Variants in CTNNA2 observed in about 807,000 individuals in gnomAD.
CTNNA2 encodes the protein catenin alpha-2.
CTNNA2 carries 42 observed loss-of-function variants against 101.0 expected under a neutral mutation model. The ratio of observed to expected loss-of-function variants is 0.42; its 90% CI spans 0.32 to 0.54. CTNNA2 has a LOEUF of 0.54. Ranked by LOEUF, CTNNA2 falls within the 20% of genes least tolerant of loss-of-function variation. The pLI is 0.14. For missense variants in CTNNA2, 871 were observed against 1,223.1 expected, an observed-to-expected ratio of 0.71 and a Z score of 4.29; for synonymous variants, 450 against 456.4, an observed-to-expected ratio of 0.99 and a Z score of 0.18.
intron 4 of CTNNA2, among the ~76,000 whole-genome samples, chr2:79,378,437 T>G (rs538360702): frequency 5.3e-5 from 8 of 152,258 alleles, no homozygotes; most frequent in African/African-American, 1.9e-4. Context: ...AATAGGGATA[T>G]ATAGTTAAAA....
At chr2:80,384,992 A>G (rs1676866116) in intron 7 of CTNNA2, among the ~76,000 whole-genome samples, 1 of 152,174 alleles carries the variant, frequency 6.6e-6, no homozygotes, top group African/African-American at 2.4e-5. Flanking sequence ...ATAGAAACTT[A>G]TGGCTTTAAG....
chr2:79,192,212 G>C (rs918864399), intron 1 of CTNNA2, among the ~76,000 whole-genome samples: 8 of 152,112 alleles, frequency 5.3e-5, no homozygotes, highest in African/African-American at 1.9e-4. Flanking sequence ...TTGTTGCTAA[G>C]GTTTCTCTGG....
intron 2 of CTNNA2, among the ~76,000 whole-genome samples, chr2:79,253,894 G>A (rs1395092487): frequency 2.6e-5 from 4 of 152,194 alleles, no homozygotes; most frequent in Non-Finnish European, 4.4e-5. Context: ...TGGCTTGGCT[G>A]TCCTGTAAGA....
chr2:80,582,958 A>G (rs1369638768), intron 14 of CTNNA2, among the ~76,000 whole-genome samples: 1 of 152,130 alleles, frequency 6.6e-6, no homozygotes, highest in East Asian at 1.9e-4. Flanking sequence ...ATGCCCTGAT[A>G]TTCTCACTCA....
rs1436723235 is a variant in CTNNA2 at position 79,593,886 on chromosome 2, T to G, written c.-5-57666T>G. ...CAGTGCTGCCTTTCTTTTAGTTTTTTTTTTTTTTTTTTTTTTTTTGAGATG... is the reference window on the plus strand; with the variant it reads ...CAGTGCTGCCTTTCTTTTAGTTTTTGTTTTTTTTTTTTTTTTTTTGAGATG... On this transcript the variant is annotated intron_variant, in intron 1 of 18. Coordinates refer to ENST00000402739, the MANE Select transcript of CTNNA2 (RefSeq NM_001282597.3). Among the ~76,000 whole-genome samples the G allele has an allele frequency of 3.6e-3, 438 of 120,902 alleles. 1 individual carries two copies. Among genetic ancestry groups the G allele is most frequent in the African/African-American group, 0.013 (412 of 32,210 alleles). The allele number at this position is 120,902 out of a possible 152,430, so 79.3% of individuals were successfully genotyped here. A position where few individuals can be genotyped will look rare whatever the true frequency, so the allele number is the denominator to read the frequency against.
At chr2:79,531,195 CA>C (rs1672716388) in intron 1 of CTNNA2, among the ~76,000 whole-genome samples, 1 of 110,280 alleles carries the variant, frequency 9.1e-6, no homozygotes, top group African/African-American at 3.2e-5. Context: ...TAGATACGCT[CA>C]TATATATATA....
chr2:80,163,864 T>G (rs938943826), intron 7 of CTNNA2, among the ~76,000 whole-genome samples: 2 of 152,032 alleles, frequency 1.3e-5, no homozygotes, highest in African/African-American at 2.4e-5. Flanking sequence ...CCTGTCTCTC[T>G]TTGACTCTGA....
intron 7 of CTNNA2, among the ~76,000 whole-genome samples, chr2:80,233,019 A>G (rs1158942654): frequency 1.3e-5 from 2 of 152,152 alleles, no homozygotes; most frequent in Non-Finnish European, 2.9e-5. Context: ...TATTCCTAAA[A>G]TATTCTGTGA....
chr2:80,174,113 A>G (rs1032012394), intron 7 of CTNNA2, among the ~76,000 whole-genome samples: 1 of 152,198 alleles, frequency 6.6e-6, no homozygotes, highest in Admixed American at 6.5e-5. Context: ...CTCAATGCTA[A>G]TATCAAATAT....
intron 4 of CTNNA2, among the ~76,000 whole-genome samples, chr2:79,487,700 C>T (rs1671170888): frequency 6.6e-6 from 1 of 152,136 alleles, no homozygotes; most frequent in Non-Finnish European, 1.5e-5. Flanking sequence ...GAGCAGATGA[C>T]TCCAGCTCCT....
intron 7 of CTNNA2, among the ~76,000 whole-genome samples, chr2:80,136,683 G>A (rs999709045): frequency 2.6e-5 from 4 of 151,896 alleles, no homozygotes; most frequent in Non-Finnish European, 5.9e-5. Flanking sequence ...TGTACTCTTT[G>A]GCCTCTTGCA....
rs67782114 is a variant in CTNNA2 at position 79,664,705 on chromosome 2, C to CTTTTTTTTTTTTTTT, written c.102+13059_102+13073dup. On this transcript the variant is annotated intron_variant, in intron 2 of 18. Coordinates refer to ENST00000402739, the MANE Select transcript of CTNNA2 (RefSeq NM_001282597.3). Reference sequence around the variant, plus strand: ...TAAATTCTGGAGAATTCACATTCTTCTTTTTTTTTTTTTTTTTTTTTTTTT... The same window carrying CTTTTTTTTTTTTTTT: ...TAAATTCTGGAGAATTCACATTCTTCTTTTTTTTTTTTTTTTTTTTTTTTTTTTTTTTTTTTTTTT... Among the ~76,000 whole-genome samples, 26 of 94,988 alleles carry CTTTTTTTTTTTTTTT rather than the reference C, an allele frequency of 2.7e-4. 4 individuals are homozygous for CTTTTTTTTTTTTTTT. The highest frequency in any genetic ancestry group is 1.0e-3 in the African/African-American group (24 of 22,946). The allele number at this position is 94,988 out of a possible 152,430, so 62.3% of individuals were successfully genotyped here.
intron 3 of CTNNA2, among the ~76,000 whole-genome samples, chr2:79,757,932 G>A (rs1366739717): frequency 6.6e-6 from 1 of 152,132 alleles, no homozygotes; most frequent in Non-Finnish European, 1.5e-5. Flanking sequence ...TGAAAAACCT[G>A]GTGGACGTTG....
chr2:80,234,576 T>C (rs1709443135), intron 7 of CTNNA2, among the ~76,000 whole-genome samples: 1 of 152,174 alleles, frequency 6.6e-6, no homozygotes, highest in African/African-American at 2.4e-5. Context: ...CAAGAGTTTT[T>C]CGGCTGATAA....
At chr2:80,173,953 G>A (rs141314293) in intron 7 of CTNNA2, among the ~76,000 whole-genome samples, 17 of 152,228 alleles carry the variant, frequency 1.1e-4, no homozygotes, top group African/African-American at 4.1e-4. Context: ...ACCCTCTACT[G>A]ACATAATTTA....
At chr2:79,303,345 C>T (rs538132449) in intron 2 of CTNNA2, among the ~76,000 whole-genome samples, 1 of 152,130 alleles carries the variant, frequency 6.6e-6, no homozygotes, top group Non-Finnish European at 1.5e-5. Context: ...TCCTCTGACT[C>T]CAGGCTACTT....
intron 6 of CTNNA2, among the ~76,000 whole-genome samples, chr2:79,883,149 A>G (rs1332653577): frequency 6.6e-6 from 1 of 152,194 alleles, no homozygotes; most frequent in Non-Finnish European, 1.5e-5. Flanking sequence ...TGCCCTCCCA[A>G]AATTGAATTT....
chr2:79,250,209 A>T (rs1199418676), intron 2 of CTNNA2, among the ~76,000 whole-genome samples: 1 of 151,902 alleles, frequency 6.6e-6, no homozygotes, highest in Non-Finnish European at 1.5e-5. Context: ...TTTAGTAGGG[A>T]ATTATGGCCT....
At chr2:80,423,520 A>G (rs957885826) in intron 9 of CTNNA2, among the ~76,000 whole-genome samples, 3 of 152,154 alleles carry the variant, frequency 2.0e-5, no homozygotes, top group Admixed American at 6.5e-5. Context: ...TTAAAAAAAT[A>G]TTAATCACAG....
Sources: gnomAD v4.1 joint callset for allele counts (sites outside exome capture counted in the v4.1 genomes callset) on GRCh38, gnomAD v4.1.1 for gene constraint, MANE v1.5 for transcripts, NCBI Gene and HGNC (gene_info 2026-07-23, HGNC 2026-07-21) for gene names.